Variants in TSTD2 observed in about 807,000 individuals in gnomAD.
The protein encoded by TSTD2 is thiosulfate sulfurtransferase/rhodanese-like domain-containing protein 2.
In TSTD2, 37 loss-of-function variants were observed where a neutral mutation model predicts 47.9. The observed-to-expected ratio is 0.77, with a 90% CI of 0.59 to 1.02. TSTD2 has a LOEUF of 1.02. Ranked by LOEUF, TSTD2 falls within the 50% of genes least tolerant of loss-of-function variation. The probability of loss-of-function intolerance (pLI) is 0.00; values close to 1 mark genes in which losing one functional copy is unlikely to be tolerated. For missense variants in TSTD2, 586 were observed against 616.0 expected (o/e 0.95, Z 0.52); for synonymous variants, 201 against 215.9 (o/e 0.93, Z 0.61).
chr9:97,629,500 C>A (rs1337809427), intron 1 of TSTD2, among the ~76,000 whole-genome samples: 2 of 152,150 alleles, frequency 1.3e-5, no homozygotes, highest in African/African-American at 4.8e-5. Flanking sequence ...ATTTATTAAA[C>A]CTAAATTCTC....
intron 9 of TSTD2, chr9:97,604,430 T>C (rs1035335394): frequency 6.4e-5 from 19 of 296,876 alleles, no homozygotes; most frequent in African/African-American, 3.5e-4. Context: ...ATTAGCCCAG[T>C]AGTACAGCTC....
chr9:97,600,625 G>C lies in TSTD2; in HGVS notation c.*1844C>G. 2.0e-6 allele frequency: 2 copies of C among 987,762 alleles called. No homozygotes were observed. Among genetic ancestry groups the C allele is most frequent in the Non-Finnish European group, 2.4e-6 (2 of 831,534 alleles). 61.2% of individuals were successfully genotyped at this position (987,762 alleles called of 1,614,324 possible). The stretch of plus-strand genomic sequence containing the variant: ...TGGTATTTAGTAATGGCCCAGCTTA[G>C]AGACTTCAGCTACTGATCTCATCAC... On this transcript the variant is annotated 3_prime_UTR_variant, in exon 10 of 10. Transcript: ENST00000341170.
chr9:97,613,419 A>G (rs1404647341), intron 4 of TSTD2, among the ~76,000 whole-genome samples: 1 of 152,160 alleles, frequency 6.6e-6, no homozygotes, highest in Non-Finnish European at 1.5e-5. Context: ...ATAAATGAAT[A>G]TGCATCCATA....
Position 97,602,535 on chromosome 9 carries a change from A to C in TSTD2, c.1485T>G (p.His495Gln), listed in dbSNP as rs1202846279. 1 of 1,614,054 alleles carries C rather than the reference A, an allele frequency of 6.2e-7. No homozygotes were observed. The highest frequency in any genetic ancestry group is 8.5e-7 in the Non-Finnish European group (1 of 1,179,996). The change falls in exon 10 of 10, where the codon CAT becomes CAG. Residue 495 changes from histidine to glutamine, a missense_variant. Physicochemically the swap from His to Gln is conservative, Grantham distance 24. Coordinates refer to ENST00000341170, the MANE Select transcript of TSTD2 (RefSeq NM_139246.5). Reference sequence around the variant, plus strand: ...GCTCTGGGCTCACAGGCTGTCGCACATGCTGCAAGAGTTCCCTAGGTATGC... The same window carrying C: ...GCTCTGGGCTCACAGGCTGTCGCACCTGCTGCAAGAGTTCCCTAGGTATGC... ...RPRIPRELLQ[H>Q]VRQPVSPEPG...
In TSTD2 at chr9:97,600,684, T is replaced by TA; in HGVS notation, c.*1784dup. 1 of 998,814 alleles carries TA rather than the reference T, an allele frequency of 1.0e-6. No individual in the cohort carries two copies. Among genetic ancestry groups the TA allele is most frequent in the Non-Finnish European group, 1.2e-6 (1 of 838,180 alleles). The allele number at this position is 998,814 out of a possible 1,614,324, so 61.9% of individuals were successfully genotyped here. On this transcript the variant is annotated 3_prime_UTR_variant, in exon 10 of 10. Transcript: ENST00000341170. Reference sequence around the variant, plus strand: ...CAAATTGCTGCTGACCTTACGCCTGTATATTAAGCCTCCGCAGGATGCCGG... The same window carrying TA: ...CAAATTGCTGCTGACCTTACGCCTGTAATATTAAGCCTCCGCAGGATGCCGG...
intron 3 of TSTD2, among the ~76,000 whole-genome samples, chr9:97,621,417 G>C (rs1826633178): frequency 6.6e-6 from 1 of 152,190 alleles, no homozygotes; most frequent in South Asian, 2.1e-4. Context: ...CATGGTAACA[G>C]CCATGTTCAG....
At chr9:97,616,021 T>C (rs1826536158) in intron 4 of TSTD2, among the ~76,000 whole-genome samples, 4 of 152,072 alleles carry the variant, frequency 2.6e-5, no homozygotes, top group African/African-American at 9.7e-5. Flanking sequence ...AATTACAAGA[T>C]GCCATGAGAG....
rs1826458818 is a variant in TSTD2 at position 97,611,512 on chromosome 9, A to G, written c.729+62T>C. 2.6e-5 allele frequency: 39 copies of G among 1,510,886 alleles called. No homozygotes were observed. The South Asian group carries it at 4.7e-4, about 18-fold the overall frequency. 93.6% of individuals were successfully genotyped at this position (1,510,886 alleles called of 1,614,324 possible). A position where few individuals can be genotyped will look rare whatever the true frequency, so the allele number is the denominator to read the frequency against. Reference sequence around the variant, plus strand: ...TTTCTCTACTTTGAACTCCTCTTCAATAACATGCACAGAGGCAGAAGCAGA... The same window carrying G: ...TTTCTCTACTTTGAACTCCTCTTCAGTAACATGCACAGAGGCAGAAGCAGA... On this transcript the variant is annotated intron_variant, in intron 5 of 9. Transcript: ENST00000341170.
At chr9:97,614,256 G>T (rs1398853339) in intron 4 of TSTD2, among the ~76,000 whole-genome samples, 1 of 152,206 alleles carries the variant, frequency 6.6e-6, no homozygotes, top group African/African-American at 2.4e-5. Context: ...ATATGCATGT[G>T]TGTAATATGA....
chr9:97,620,219 T>C (rs1826610416), intron 3 of TSTD2, among the ~76,000 whole-genome samples: 1 of 152,196 alleles, frequency 6.6e-6, no homozygotes. Context: ...TGAGAGTTGA[T>C]GGTTTTAAAA....
chr9:97,604,980 T>C, intron 8 of TSTD2, 115 bp from the exon 9 acceptor site: 4 of 1,479,280 alleles, frequency 2.7e-6, no homozygotes, highest in Non-Finnish European at 3.6e-6. Flanking sequence ...TGGCCGCTGC[T>C]ATCAGTCAGG....
At position 97,605,617 on chromosome 9, in the gene TSTD2, G is replaced by A; in HGVS notation, c.979C>T (p.Pro327Ser). The change falls in exon 8 of 10, where the codon CCA (proline) becomes TCA (serine). Residue 327 changes from proline (P) to serine (S), a missense_variant. Pro to Ser is a moderately conservative substitution (Grantham distance 74). Transcript: ENST00000341170. ...KIGRFQGCLA[P>S]DIRKFSYFPS... ...AAGTAACTGAATTTCCTGATGTCTG[G>A]GGCTAAGCAGCCTTGGAATCGTCCC... 1 of 1,614,166 alleles carries A rather than the reference G, an allele frequency of 6.2e-7. No homozygotes were observed. Among genetic ancestry groups the A allele is most frequent in the Non-Finnish European group, 8.5e-7 (1 of 1,180,024 alleles).
At position 97,605,526 on chromosome 9, in the gene TSTD2, C is replaced by A; in HGVS notation, c.1070G>T (p.Gly357Val). The A allele has an allele frequency of 6.2e-7, 1 of 1,614,048 alleles. No homozygotes were observed. The highest frequency in any genetic ancestry group is 8.5e-7 in the Non-Finnish European group (1 of 1,179,998). Residue 357 changes from glycine (G) to valine (V), a missense_variant, in exon 8 of 10, where the codon GGG (glycine) becomes GTG (valine). Transcript: ENST00000341170. The stretch of plus-strand genomic sequence containing the variant: ...TGAACCCCGCTCACAGCGGATGCCC[C>A]CGGTACAGTACATCAGCACTCTCTT... ...REKRVLMYCT[G>V]GIRCERGSAY... is the part of the protein sequence containing the mutation.
intron 4 of TSTD2, among the ~76,000 whole-genome samples, chr9:97,613,972 G>A (rs900199830): frequency 3.3e-5 from 5 of 151,976 alleles, no homozygotes; most frequent in African/African-American, 7.3e-5. Flanking sequence ...GGGACTACAG[G>A]TGCCCGCCAC....
chr9:97,613,063 C>A (rs1826483229), intron 4 of TSTD2, among the ~76,000 whole-genome samples: 1 of 152,218 alleles, frequency 6.6e-6, no homozygotes, highest in African/African-American at 2.4e-5. Context: ...GTCAGCAGAT[C>A]TAGGCTCAAG....
At chr9:97,610,575 T>C (rs1209656567) in intron 5 of TSTD2, 124 bp from the exon 6 acceptor site, 3 of 596,524 alleles carry the variant, frequency 5.0e-6, no homozygotes, top group Non-Finnish European at 8.1e-6. Context: ...AAAAAACCTC[T>C]AGTTAGGGCC....
At chr9:97,612,120 T>G (rs1262204245) in intron 4 of TSTD2, among the ~76,000 whole-genome samples, 1 of 152,230 alleles carries the variant, frequency 6.6e-6, no homozygotes, top group Non-Finnish European at 1.5e-5. Context: ...GTATTTGGTT[T>G]TCTCTTCCTG....
In TSTD2 at chr9:97,627,404, C is replaced by T; in HGVS notation, c.159G>A (p.Lys53=). Residue 53 remains lysine (K), a synonymous_variant, in exon 2 of 10, where the codon AAG becomes AAA. Transcript: ENST00000341170. ...ACATTCATAAGAATTCTACCTTTTT[C>T]TTTGCAAACGAGTATTTCTTTTTTG... ...GSTKKKYSFA[K]KKAFALFVKT... The T allele has an allele frequency of 6.3e-7, 1 of 1,594,364 alleles. No homozygotes were observed.
chr9:97,608,319 G>C (rs1220709923), intron 6 of TSTD2, among the ~76,000 whole-genome samples: 1 of 152,192 alleles, frequency 6.6e-6, no homozygotes. Flanking sequence ...TGTTTGGACA[G>C]TGACCAGCAT....
Sources: gnomAD v4.1 joint callset for allele counts (sites outside exome capture counted in the v4.1 genomes callset) on GRCh38, gnomAD v4.1.1 for gene constraint, MANE v1.5 for transcripts, NCBI Gene and HGNC (gene_info 2026-07-23, HGNC 2026-07-21) for gene names.